RAB15: variants seen among roughly 807,000 people sequenced by gnomAD.
The protein encoded by RAB15 is ras-related protein Rab-15.
In RAB15, 13 loss-of-function variants were observed where a neutral mutation model predicts 31.8. The ratio of observed to expected loss-of-function variants is 0.41; its 90% CI spans 0.27 to 0.65. The LOEUF (loss-of-function observed/expected upper bound fraction) is 0.65. Among genes scored for constraint, RAB15 ranks in the 30% least tolerant of loss-of-function variants. RAB15 has a pLI of 0.32. For missense variants in RAB15, 220 were observed against 277.3 expected, an observed-to-expected ratio of 0.79 and a Z score of 1.47; for synonymous variants, 100 against 105.6, an observed-to-expected ratio of 0.95 and a Z score of 0.33.
In RAB15 at chr14:64,951,950, C is replaced by T. The variant is rs1886275868; in HGVS notation, c.186-287G>A. On this transcript the variant is annotated intron_variant, in intron 2 of 6. Transcript: ENST00000533601. This position sits in a 1 kb window ranked among gnomAD's most constrained non-coding sequence, Gnocchi z 7.2. The stretch of plus-strand genomic sequence containing the variant: ...CTCTCTGGAATCTGGCCACTGTGGC[C>T]AGATTTGGTTGGATGGGAGTTGGCA... Among the ~76,000 whole-genome samples, 1 of 152,148 alleles carries T rather than the reference C, an allele frequency of 6.6e-6. No homozygotes were observed. The highest frequency in any genetic ancestry group is 6.5e-5 in the Admixed American group (1 of 15,284).
At position 64,971,775 on chromosome 14, in the gene RAB15, G is replaced by A; in HGVS notation, c.124+178C>T. The stretch of plus-strand genomic sequence containing the variant: ...CCCCTGGTCCGGACGGCAGGCAGCA[G>A]GGACACCCTCACCTGCCAAAACCTA... On this transcript the variant is annotated intron_variant, in intron 1 of 6. Coordinates refer to ENST00000533601, the MANE Select transcript of RAB15 (RefSeq NM_001308154.2). This position sits in a 1 kb window ranked among gnomAD's most constrained non-coding sequence, Gnocchi z 4.1. The A allele has an allele frequency of 4.9e-6, 3 of 616,732 alleles. No individual in the cohort carries two copies. The highest frequency in any genetic ancestry group is 8.4e-6 in the Non-Finnish European group (3 of 357,252). 38.2% of individuals were successfully genotyped at this position (616,732 alleles called of 1,614,324 possible). A position where few individuals can be genotyped will look rare whatever the true frequency, so the allele number is the denominator to read the frequency against.
rs1181619885 is a variant in RAB15, at chr14:64,955,887, C to T, written c.125-3316G>A. On this transcript the variant is annotated intron_variant, in intron 1 of 6. Transcript: ENST00000533601. The surrounding 1 kb of genome is among the most constrained non-coding windows in gnomAD (Gnocchi z 4.4). ...CCTCCAGTGGTTTCACATTCCGGCT[C>T]CTCTAAGGTCATATTTCTCAAACTT... 2.0e-5 allele frequency among the ~76,000 whole-genome samples: 3 copies of T among 152,200 alleles called. No individual in the cohort carries two copies. Among genetic ancestry groups the T allele is most frequent in the African/African-American group, 7.2e-5 (3 of 41,452 alleles).
intron 1 of RAB15, among the ~76,000 whole-genome samples, chr14:64,966,742 G>T (rs1887163061): frequency 6.6e-6 from 1 of 152,106 alleles, no homozygotes; most frequent in Admixed American, 6.5e-5. Flanking sequence ...GGCCAGTAAG[G>T]CCATGGGAAA....
chr14:64,957,979 T>C (rs1886668045), intron 1 of RAB15: 1 of 152,366 alleles, frequency 6.6e-6, no homozygotes, highest in Admixed American at 6.5e-5. Flanking sequence ...AGTCTTCCTC[T>C]GTCGCCCAGG....
rs1886482946 is a variant in RAB15, at chr14:64,955,256, C to G, written c.125-2685G>C. Among the ~76,000 whole-genome samples the G allele has an allele frequency of 6.6e-6, 1 of 152,164 alleles. No homozygotes were observed. On this transcript the variant is annotated intron_variant, in intron 1 of 6. Coordinates refer to ENST00000533601, the MANE Select transcript of RAB15 (RefSeq NM_001308154.2). The surrounding 1 kb of genome is among the most constrained non-coding windows in gnomAD (Gnocchi z 4.4). ...TCCTCCCTCCCCGCCCACACAACCT[C>G]TCTTAAATTTAAAAAAGGTTAACAG...
Position 64,971,249 on chromosome 14 carries a change from T to C in RAB15, c.124+704A>G, listed in dbSNP as rs957707322. On this transcript the variant is annotated intron_variant, in intron 1 of 6. Transcript: ENST00000533601. The surrounding 1 kb of genome is among the most constrained non-coding windows in gnomAD (Gnocchi z 4.1). ...TCCCTCTAACCACAGGCTCCAGCAC[T>C]GCCAGATGAGAGATGCCCTCAGGCG... Among the ~76,000 whole-genome samples the C allele has an allele frequency of 2.0e-5, 3 of 152,176 alleles. No homozygotes were observed. The highest frequency in any genetic ancestry group is 6.5e-5 in the Admixed American group (1 of 15,284).
chr14:64,961,647 C>T (rs753483777), intron 1 of RAB15, among the ~76,000 whole-genome samples: 4 of 152,186 alleles, frequency 2.6e-5, no homozygotes, highest in Non-Finnish European at 5.9e-5. Context: ...GTGGCTCACA[C>T]CTGTAAACCC....
At chr14:64,964,928 T>C (rs992685470) in intron 1 of RAB15, among the ~76,000 whole-genome samples, 2 of 151,250 alleles carry the variant, frequency 1.3e-5, no homozygotes, top group African/African-American at 2.4e-5. Context: ...CATGGTGCCA[T>C]GGTCACAGAG....
At chr14:64,965,822 G>A (rs1006271887) in intron 1 of RAB15, among the ~76,000 whole-genome samples, 2 of 152,200 alleles carry the variant, frequency 1.3e-5, no homozygotes, top group African/African-American at 4.8e-5. Context: ...AGGAACCGGT[G>A]CTCCCAGCTG....
At position 64,952,109 on chromosome 14, in the gene RAB15, AC is replaced by A. The variant is rs1418283119; in HGVS notation, c.185+401del. ...ACCTCAGGCAGAGAGCCACAGCAGC[AC>A]CCTCTGCTACTGTGGAAACTTCATC... On this transcript the variant is annotated intron_variant, in intron 2 of 6. Transcript: ENST00000533601. The surrounding 1 kb of genome is among the most constrained non-coding windows in gnomAD (Gnocchi z 4.2). 1.3e-5 allele frequency among the ~76,000 whole-genome samples: 2 copies of A among 152,066 alleles called. No individual in the cohort carries two copies. The highest frequency in any genetic ancestry group is 4.8e-5 in the African/African-American group (2 of 41,402).
chr14:64,952,402 G>T lies in RAB15; in HGVS notation c.185+109C>A. On this transcript the variant is annotated intron_variant, in intron 2 of 6. Transcript: ENST00000533601. The surrounding 1 kb of genome is among the most constrained non-coding windows in gnomAD (Gnocchi z 4.2). ...TTCGCTTCCATCCATCAGAGAGGTG[G>T]CCAGTTATCCCAGGTGAAGCCTAGG... is the stretch of plus-strand genomic sequence containing the variant. 1.3e-6 allele frequency: 1 copy of T among 785,232 alleles called. No homozygotes were observed. The highest frequency in any genetic ancestry group is 2.2e-6 in the Non-Finnish European group (1 of 461,704). 48.6% of individuals were successfully genotyped at this position (785,232 alleles called of 1,614,324 possible). A position where few individuals can be genotyped will look rare whatever the true frequency, so the allele number is the denominator to read the frequency against.
Position 64,951,663 on chromosome 14 carries a change from C to T in RAB15, c.186G>A (p.Trp62Ter). The T allele has an allele frequency of 2.5e-6, 4 of 1,613,760 alleles. No individual in the cohort carries two copies. The highest frequency in any genetic ancestry group is 3.4e-6 in the Non-Finnish European group (4 of 1,179,642). Reference protein sequence around the residue: ...VDGIKVRIQIWDTAGQERYQT... With the variant: ...VDGIKVRIQI ...GGTATCTCTCCTGCCCTGCAGTGTCCCTGCAGGAGAAAGCCAGTCCCTCAG... is the reference window on the plus strand; with the variant it reads ...GGTATCTCTCCTGCCCTGCAGTGTCTCTGCAGGAGAAAGCCAGTCCCTCAG... The change falls in exon 3 of 7, where the codon TGG becomes TGA. Residue 62 changes from tryptophan to a stop codon, truncating the protein, a stop_gained and splice_region_variant. Transcript: ENST00000533601. LOFTEE classifies it high-confidence loss of function. This position sits in a 1 kb window ranked among gnomAD's most constrained non-coding sequence, Gnocchi z 7.2.
rs1273624023 is a variant in RAB15, at chr14:64,948,217, A to T, written c.*137T>A. 1 of 895,732 alleles carries T rather than the reference A, an allele frequency of 1.1e-6. No individual in the cohort carries two copies. The highest frequency in any genetic ancestry group is 1.7e-5 in the African/African-American group (1 of 58,422). The allele number at this position is 895,732 out of a possible 1,614,324, so 55.5% of individuals were successfully genotyped here. On this transcript the variant is annotated 3_prime_UTR_variant, in exon 7 of 7. Coordinates refer to ENST00000533601, the MANE Select transcript of RAB15 (RefSeq NM_001308154.2). The surrounding 1 kb of genome is among the most constrained non-coding windows in gnomAD (Gnocchi z 7.0). ...AGCAGAGCCGCTCTCAGGGCCAGGC[A>T]GGGGGAGTAGTGGCTACTGATACTC...
In RAB15 at chr14:64,954,602, G is replaced by A; in HGVS notation, c.125-2031C>T. 2 of 898,260 alleles carry A rather than the reference G, an allele frequency of 2.2e-6. No homozygotes were observed. The highest frequency in any genetic ancestry group is 2.7e-6 in the Non-Finnish European group (2 of 750,592). 55.6% of individuals were successfully genotyped at this position (898,260 alleles called of 1,614,324 possible). A position where few individuals can be genotyped will look rare whatever the true frequency, so the allele number is the denominator to read the frequency against. On this transcript the variant is annotated intron_variant, in intron 1 of 6. Coordinates refer to ENST00000533601, the MANE Select transcript of RAB15 (RefSeq NM_001308154.2). The surrounding 1 kb of genome is among the most constrained non-coding windows in gnomAD (Gnocchi z 4.3). ...CTGCACAGTGCTCAGTGCAGACAGA[G>A]CAGTGAAAAAGACATGGCCCCTGCC...
In RAB15 at chr14:64,971,946, C is replaced by T; in HGVS notation, c.124+7G>A. On this transcript the variant is annotated splice_region_variant and intron_variant, in intron 1 of 6. Transcript: ENST00000533601. This position sits in a 1 kb window ranked among gnomAD's most constrained non-coding sequence, Gnocchi z 4.1. ...AGGGAGGGGCGCCCCGGGCCACCGC[C>T]CCTTACCGATGGTGGAGATGTGCGA... 6.4e-7 allele frequency: 1 copy of T among 1,564,564 alleles called. No homozygotes were observed. The highest frequency in any genetic ancestry group is 8.7e-7 in the Non-Finnish European group (1 of 1,155,356).
Position 64,962,355 on chromosome 14 carries a change from G to A in RAB15, c.124+9598C>T, listed in dbSNP as rs1363641365. 6.6e-6 allele frequency among the ~76,000 whole-genome samples: 1 copy of A among 152,212 alleles called. No individual in the cohort carries two copies. The highest frequency in any genetic ancestry group is 1.5e-5 in the Non-Finnish European group (1 of 68,044). ...ATTTGTTAATTCATTCATTCAAACTGTTATTGAATGCTTACAATGTGCCAG... is the reference window on the plus strand; with the variant it reads ...ATTTGTTAATTCATTCATTCAAACTATTATTGAATGCTTACAATGTGCCAG... On this transcript the variant is annotated intron_variant, in intron 1 of 6. Transcript: ENST00000533601. The surrounding 1 kb of genome is among the most constrained non-coding windows in gnomAD (Gnocchi z 4.2).
At position 64,958,613 on chromosome 14, in the gene RAB15, A is replaced by G. The variant is rs543206401; in HGVS notation, c.125-6042T>C. On this transcript the variant is annotated intron_variant, in intron 1 of 6. Transcript: ENST00000533601. This position sits in a 1 kb window ranked among gnomAD's most constrained non-coding sequence, Gnocchi z 4.4. ...CCTTGGCATGGTTCATGATTCCAGT[A>G]AGTCCAGATTCATCACCCCGACAGT... Among the ~76,000 whole-genome samples, 12 of 152,294 alleles carry G rather than the reference A, an allele frequency of 7.9e-5. No individual in the cohort carries two copies. In the South Asian group the frequency reaches 2.5e-3, roughly 32 times the overall value.
Position 64,958,272 on chromosome 14 carries a change from A to C in RAB15, c.125-5701T>G, listed in dbSNP as rs1039672489. 6.6e-6 allele frequency: 1 copy of C among 152,210 alleles called. No individual in the cohort carries two copies. Among genetic ancestry groups the C allele is most frequent in the Admixed American group, 6.6e-5 (1 of 15,262 alleles). The allele number at this position is 152,210 out of a possible 1,614,324, so 9.4% of individuals were successfully genotyped here. A position where few individuals can be genotyped will look rare whatever the true frequency, so the allele number is the denominator to read the frequency against. On this transcript the variant is annotated intron_variant, in intron 1 of 6. Coordinates refer to ENST00000533601, the MANE Select transcript of RAB15 (RefSeq NM_001308154.2). The surrounding 1 kb of genome is among the most constrained non-coding windows in gnomAD (Gnocchi z 4.4). ...TAATCCCCAGTGCAGTGCTGGTGGGAGGTGAGGGCTTTGGGAGGTGACTCA... is the reference window on the plus strand; with the variant it reads ...TAATCCCCAGTGCAGTGCTGGTGGGCGGTGAGGGCTTTGGGAGGTGACTCA...
Position 64,958,740 on chromosome 14 carries a change from G to T in RAB15, c.125-6169C>A, listed in dbSNP as rs72728213. ...CCACTTCTACACAGCTCTGGCAGAGGTTCTCGGAGACGCTGAGAGCCCCAG... is the reference window on the plus strand; with the variant it reads ...CCACTTCTACACAGCTCTGGCAGAGTTTCTCGGAGACGCTGAGAGCCCCAG... On this transcript the variant is annotated intron_variant, in intron 1 of 6. Transcript: ENST00000533601. The surrounding 1 kb of genome is among the most constrained non-coding windows in gnomAD (Gnocchi z 4.4). Among the ~76,000 whole-genome samples, 14,431 of 152,226 alleles carry T rather than the reference G, an allele frequency of 0.095. 783 individuals carry two copies. The highest frequency in any genetic ancestry group is 0.12 in the Non-Finnish European group (8,360 of 68,010).
Sources: allele counts gnomAD v4.1 joint callset (sites outside exome capture counted in the v4.1 genomes callset), GRCh38; gene constraint gnomAD v4.1.1; non-coding constraint Gnocchi (gnomAD v3.1); transcripts MANE v1.5; gene names NCBI Gene and HGNC (gene_info 2026-07-23, HGNC 2026-07-21).